Variants in PCDHA11 observed in about 807,000 individuals in gnomAD.
The protein encoded by PCDHA11 is protocadherin alpha-11.
A neutral mutation model predicts 70.3 loss-of-function variants in PCDHA11; 61 were observed. The ratio of observed to expected loss-of-function variants is 0.87; its 90% CI spans 0.71 to 1.07. The LOEUF (loss-of-function observed/expected upper bound fraction) is 1.07, where lower values mean the gene tolerates loss of function less well. Ranked by LOEUF, PCDHA11 falls within the 50% of genes least tolerant of loss-of-function variation. The pLI is 0.00. For missense variants in PCDHA11, 1,324 were observed against 1,237.5 expected, an observed-to-expected ratio of 1.07 and a Z score of -1.05; for synonymous variants, 633 against 555.1, an observed-to-expected ratio of 1.14 and a Z score of -1.97.
intron 1 of PCDHA11, chr5:140,877,161 G>A: frequency 6.2e-7 from 1 of 1,613,828 alleles, no homozygotes; most frequent in South Asian, 1.1e-5. Context: ...ACAACGCGCC[G>A]GCACTGCTGG....
At chr5:140,946,797 CAG>C (rs1279078142) in intron 1 of PCDHA11, among the ~76,000 whole-genome samples, 2 of 151,052 alleles carry the variant, frequency 1.3e-5, no homozygotes, top group Non-Finnish European at 3.0e-5. Context: ...CTTATAGAAG[CAG>C]AGAGTATAAC....
chr5:140,972,280 T>C (rs1210047183), intron 1 of PCDHA11, among the ~76,000 whole-genome samples: 1 of 151,092 alleles, frequency 6.6e-6, no homozygotes, highest in South Asian at 2.1e-4. Context: ...GCTTGGACCA[T>C]AGATGTGCGC....
rs1346870417 is a variant in PCDHA11 at position 140,982,634 on chromosome 5, TC to T, written c.2539+72del. 11 of 1,555,302 alleles carry T rather than the reference TC, an allele frequency of 7.1e-6. No homozygotes were observed. In the Admixed American group the frequency reaches 2.2e-4, roughly 30 times the overall value. ...GATCAGATGACCTACTTTTGTAAGATCAGGAATGTTGATGGCTCTTTTTCTT... is the reference window on the plus strand; with the variant it reads ...GATCAGATGACCTACTTTTGTAAGATAGGAATGTTGATGGCTCTTTTTCTT... On this transcript the variant is annotated intron_variant, in intron 3 of 3. Transcript: ENST00000398640.
intron 1 of PCDHA11, among the ~76,000 whole-genome samples, chr5:140,962,286 T>C (rs1209495659): frequency 1.3e-5 from 2 of 152,224 alleles, no homozygotes; most frequent in Admixed American, 6.5e-5. Context: ...CCTCAACCTT[T>C]AATATTCTAT....
At chr5:140,993,668 A>G (rs551356894) in intron 3 of PCDHA11, among the ~76,000 whole-genome samples, 167 of 152,322 alleles carry the variant, frequency 1.1e-3, no homozygotes, top group African/African-American at 3.4e-3. Context: ...ACAATGGACC[A>G]CATATGTGAC....
chr5:141,007,678 A>T (rs1472767852), intron 3 of PCDHA11, among the ~76,000 whole-genome samples: 1 of 152,236 alleles, frequency 6.6e-6, no homozygotes, highest in Non-Finnish European at 1.5e-5. Context: ...GACAAAAGTT[A>T]TCCTACTTCC....
In PCDHA11 at chr5:140,870,473, C is replaced by G. The variant is rs1232580918; in HGVS notation, c.1370C>G (p.Pro457Arg). 6.2e-7 allele frequency: 1 copy of G among 1,614,124 alleles called. No individual in the cohort carries two copies. Among genetic ancestry groups the G allele is most frequent in the Non-Finnish European group, 8.5e-7 (1 of 1,180,062 alleles). ...GACAATGCGCCTGCGTTCGCACAGC[C>G]CGAGTACACCGTGTTCGTGAAGGAG... The part of the protein sequence containing the change: ...VNDNAPAFAQ[P>R]EYTVFVKENN... Residue 457 changes from proline to arginine, a missense_variant, in exon 1 of 4, where the codon CCC becomes CGC. By Grantham distance (103) the Pro-to-Arg change is moderately radical. Coordinates refer to ENST00000398640, the MANE Select transcript of PCDHA11 (RefSeq NM_018902.5).
intron 3 of PCDHA11, among the ~76,000 whole-genome samples, chr5:140,991,311 G>A (rs1036350235): frequency 3.3e-5 from 5 of 152,108 alleles, no homozygotes; most frequent in Admixed American, 2.0e-4. Context: ...ATCTTGTCCC[G>A]CATGATACAT....
chr5:140,966,426 C>T, intron 1 of PCDHA11: 1 of 421,820 alleles, frequency 2.4e-6, no homozygotes. Flanking sequence ...ACTTGCTGAG[C>T]CCTCCTACCG....
At chr5:140,923,116 T>C (rs1418111802) in intron 1 of PCDHA11, among the ~76,000 whole-genome samples, 1 of 152,216 alleles carries the variant, frequency 6.6e-6, no homozygotes, top group African/African-American at 2.4e-5. Flanking sequence ...TTTAAGTTTT[T>C]AGGGTCACAC....
intron 1 of PCDHA11, among the ~76,000 whole-genome samples, chr5:140,941,795 T>G (rs1175900170): frequency 5.9e-5 from 9 of 152,226 alleles, no homozygotes; most frequent in Admixed American, 2.6e-4. Flanking sequence ...CCAAGAATAT[T>G]TAGTTGATTT....
chr5:140,871,522 A>T, intron 1 of PCDHA11, 28 bp downstream of exon 1: 1 of 1,549,186 alleles, frequency 6.5e-7, no homozygotes, highest in Non-Finnish European at 8.7e-7. Flanking sequence ...TCCACCTATC[A>T]GGAAGTGTAT....
At position 140,976,923 on chromosome 5, in the gene PCDHA11, C is replaced by T. The variant is rs2096737530; in HGVS notation, c.2392-2026C>T. Among the ~76,000 whole-genome samples the T allele has an allele frequency of 2.0e-5, 3 of 152,236 alleles. No individual in the cohort carries two copies. The South Asian group carries it at 6.2e-4, about 32-fold the overall frequency. On this transcript the variant is annotated intron_variant, in intron 1 of 3. Transcript: ENST00000398640. The stretch of plus-strand genomic sequence containing the variant: ...ATGTAATAAAGTGCAAAATCTAGTA[C>T]TGTGTAGCTACTTAAAACATATTAT...
chr5:140,993,523 CAG>C (rs111789518), intron 3 of PCDHA11, among the ~76,000 whole-genome samples: 1,510 of 145,458 alleles, frequency 0.01, 24 homozygotes, highest in African/African-American at 0.035. Flanking sequence ...GAGAGAGAGA[CAG>C]AGAGAGAGAG....
At chr5:140,928,453 T>C in intron 1 of PCDHA11, 1 of 1,613,888 alleles carries the variant, frequency 6.2e-7, no homozygotes, top group Non-Finnish European at 8.5e-7. Context: ...GCTCAGGGGG[T>C]TTCATTTCCA....
intron 1 of PCDHA11, among the ~76,000 whole-genome samples, chr5:140,917,241 C>G (rs1383271236): frequency 6.7e-6 from 1 of 150,002 alleles, no homozygotes; most frequent in Non-Finnish European, 1.5e-5. Context: ...AATCTAGGTA[C>G]TACGATTGCT....
chr5:140,938,062 A>G (rs2091901426), intron 1 of PCDHA11, among the ~76,000 whole-genome samples: 1 of 152,176 alleles, frequency 6.6e-6, no homozygotes, highest in Non-Finnish European at 1.5e-5. Context: ...ATATACTGTC[A>G]TGCTATTCCC....
At chr5:140,968,886 A>G in intron 1 of PCDHA11, 1 of 1,614,186 alleles carries the variant, frequency 6.2e-7, no homozygotes, top group Non-Finnish European at 8.5e-7. Context: ...ATTACCCTTT[A>G]TCTAATAATA....
chr5:140,893,205 T>A (rs192969362), intron 1 of PCDHA11, among the ~76,000 whole-genome samples: 1 of 152,338 alleles, frequency 6.6e-6, no homozygotes, highest in East Asian at 1.9e-4. Context: ...CTGCAGTAAG[T>A]ATGGGAGGTG....
Sources: gnomAD v4.1 joint callset for allele counts (sites outside exome capture counted in the v4.1 genomes callset) on GRCh38, gnomAD v4.1.1 for gene constraint, MANE v1.5 for transcripts, NCBI Gene and HGNC (gene_info 2026-07-23, HGNC 2026-07-21) for gene names.